MMD2: variants seen among roughly 807,000 people sequenced by gnomAD.
MMD2 encodes monocyte to macrophage differentiation associated 2, also known as monocyte to macrophage differentiation factor 2.
A neutral mutation model predicts 33.5 loss-of-function variants in MMD2; 30 were observed. The ratio of observed to expected loss-of-function variants is 0.90; its 90% CI spans 0.67 to 1.22. The LOEUF (loss-of-function observed/expected upper bound fraction) is 1.22. MMD2 is among the 50% of genes most tolerant of loss of function. The pLI is 0.00. For missense variants in MMD2, 364 were observed against 325.4 expected, an observed-to-expected ratio of 1.12 and a Z score of -0.91; for synonymous variants, 129 against 123.0, an observed-to-expected ratio of 1.05 and a Z score of -0.32.
At chr7:4,922,751 C>T (rs576207235) in intron 2 of MMD2, among the ~76,000 whole-genome samples, 1 of 152,058 alleles carries the variant, frequency 6.6e-6, no homozygotes, top group Non-Finnish European at 1.5e-5. Context: ...CTAGTTTGTG[C>T]TATTTTGCGA....
chr7:4,921,096 C>T (rs1785271875), intron 2 of MMD2, among the ~76,000 whole-genome samples: 2 of 152,250 alleles, frequency 1.3e-5, no homozygotes, highest in African/African-American at 4.8e-5. Context: ...TGATTCAATT[C>T]TCAAAGGGGT....
chr7:4,944,518 A>G (rs978501794), intron 1 of MMD2, among the ~76,000 whole-genome samples: 1 of 152,074 alleles, frequency 6.6e-6, no homozygotes, highest in African/African-American at 2.4e-5. Flanking sequence ...CAACCCTCTC[A>G]GCACTCCTAC....
At chr7:4,925,854 G>A (rs187921738) in intron 1 of MMD2, among the ~76,000 whole-genome samples, 16 of 152,108 alleles carry the variant, frequency 1.1e-4, no homozygotes, top group Admixed American at 9.2e-4. Context: ...TCGCTCTGTC[G>A]ACAGACTGGA....
intron 3 of MMD2, among the ~76,000 whole-genome samples, chr7:4,919,121 T>A (rs1167644329): frequency 6.6e-6 from 1 of 150,486 alleles, no homozygotes; most frequent in East Asian, 2.0e-4. Flanking sequence ...AAATCAAAAC[T>A]GTAATATCAG....
intron 1 of MMD2, among the ~76,000 whole-genome samples, chr7:4,957,193 A>T (rs1308102393): frequency 6.8e-6 from 1 of 147,834 alleles, no homozygotes; most frequent in African/African-American, 2.5e-5. Context: ...TATATATATA[A>T]ATTATCTGGG....
chr7:4,933,090 T>C (rs1328343766), intron 1 of MMD2, among the ~76,000 whole-genome samples: 3 of 152,078 alleles, frequency 2.0e-5, no homozygotes, highest in African/African-American at 4.8e-5. Flanking sequence ...TTAAAATGTA[T>C]TGTGATCAGG....
chr7:4,958,875 C>T (rs1786461010), intron 1 of MMD2, 96 bp downstream of exon 1: 1 of 1,104,886 alleles, frequency 9.1e-7, no homozygotes, highest in Non-Finnish European at 1.2e-6. Flanking sequence ...TCTAGCGCTC[C>T]GGGCGGCGGG....
chr7:4,936,766 A>G (rs994502850), intron 1 of MMD2, among the ~76,000 whole-genome samples: 12 of 151,964 alleles, frequency 7.9e-5, no homozygotes, highest in African/African-American at 2.9e-4. Context: ...ACAAAGTTTC[A>G]GTCTGTTACC....
chr7:4,954,715 G>A (rs772053381), intron 1 of MMD2, among the ~76,000 whole-genome samples: 8 of 152,144 alleles, frequency 5.3e-5, no homozygotes, highest in South Asian at 2.1e-4. Flanking sequence ...CACCTTGCCC[G>A]GCTGCAACTT....
intron 1 of MMD2, among the ~76,000 whole-genome samples, chr7:4,951,415 G>C (rs949347106): frequency 6.6e-6 from 1 of 151,962 alleles, no homozygotes; most frequent in African/African-American, 2.4e-5. Context: ...AGCCTCACCA[G>C]ACCCTGCCCT....
At chr7:4,898,218 G>A in the MMD2 span, among the ~76,000 whole-genome samples, 1 of 152,138 alleles carries the variant, frequency 6.6e-6, no homozygotes, top group Non-Finnish European at 1.5e-5. Context: ...TCAGGGTTCT[G>A]GGTAACCAGA....
chr7:4,914,568 C>T (rs766341041), intron 4 of MMD2, among the ~76,000 whole-genome samples: 37 of 152,158 alleles, frequency 2.4e-4, no homozygotes, highest in Admixed American at 5.2e-4. Context: ...TGACAATACC[C>T]TCAGATACCA....
intron 1 of MMD2, among the ~76,000 whole-genome samples, chr7:4,927,828 T>C (rs555591174): frequency 1.3e-4 from 20 of 152,300 alleles, no homozygotes; most frequent in African/African-American, 4.1e-4. Context: ...CGTGGAGCTA[T>C]TGGCCATTTT....
chr7:4,958,880 G>A (rs1476599969), intron 1 of MMD2, 91 bp downstream of exon 1: 35 of 1,132,748 alleles, frequency 3.1e-5, no homozygotes, highest in Non-Finnish European at 3.5e-5. Context: ...CGCTCCGGGC[G>A]GCGGGGCCCG....
chr7:4,913,543 C>T (rs1409073965), intron 4 of MMD2, among the ~76,000 whole-genome samples: 1 of 151,786 alleles, frequency 6.6e-6, no homozygotes, highest in Non-Finnish European at 1.5e-5. Context: ...AATGGTGAAA[C>T]CCCATCTCCA....
At chr7:4,932,666 A>T (rs1163648555) in intron 1 of MMD2, among the ~76,000 whole-genome samples, 37 of 147,818 alleles carry the variant, frequency 2.5e-4, no homozygotes, top group African/African-American at 8.9e-4. Context: ...TCTGTCGCCC[A>T]GACTGAAGTG....
chr7:4,930,922 C>T (rs2115122095), intron 1 of MMD2, among the ~76,000 whole-genome samples: 1 of 152,224 alleles, frequency 6.6e-6, no homozygotes, highest in Middle Eastern at 3.4e-3. Context: ...GCGATCTCGG[C>T]TGACTGCAAC....
chr7:4,906,722 A>C lies in MMD2; in HGVS notation c.*674T>G, dbSNP rs1784874990. 7.6e-6 allele frequency: 3 copies of C among 395,318 alleles called. No homozygotes were observed. The East Asian group carries it at 1.1e-4, about 14-fold the overall frequency. The allele number at this position is 395,318 out of a possible 1,614,324, so 24.5% of individuals were successfully genotyped here. ...GGGGAGATGAGGAGATAGGCATGCA[A>C]ATGCCCATTTGGAGATTTTCAGCTA... is the stretch of plus-strand genomic sequence containing the variant. On this transcript the variant is annotated 3_prime_UTR_variant, in exon 7 of 7. Transcript: ENST00000401401.
intron 1 of MMD2, among the ~76,000 whole-genome samples, chr7:4,958,202 G>A (rs945599362): frequency 2.6e-5 from 4 of 152,158 alleles, no homozygotes; most frequent in African/African-American, 9.7e-5. Flanking sequence ...ACTGGGGACC[G>A]AGGAGCAACT....
Sources: gnomAD v4.1 joint callset for allele counts (sites outside exome capture counted in the v4.1 genomes callset) on GRCh38, gnomAD v4.1.1 for gene constraint, MANE v1.5 for transcripts, NCBI Gene and HGNC (gene_info 2026-07-23, HGNC 2026-07-21) for gene names.